ACTR1A: variants seen among roughly 807,000 people sequenced by gnomAD.
ACTR1A encodes actin related protein 1A.
In ACTR1A, 10 loss-of-function variants were observed where a neutral mutation model predicts 50.7. That is an observed-to-expected ratio of 0.20 (90% confidence interval 0.12 to 0.33). The LOEUF (loss-of-function observed/expected upper bound fraction) is 0.33, where lower values mean the gene tolerates loss of function less well. ACTR1A is among the 10% of genes least tolerant of loss of function. ACTR1A has a pLI of 1.00. For synonymous variants in ACTR1A, 177 were observed against 184.2 expected (o/e 0.96, Z 0.32); for missense variants, 253 against 491.7 (o/e 0.51, Z 4.59).
intron 1 of ACTR1A, among the ~76,000 whole-genome samples, chr10:102,496,229 C>T (rs1200303330): frequency 1.3e-5 from 2 of 152,172 alleles, no homozygotes; most frequent in Non-Finnish European, 2.9e-5. Context: ...AACACTAGGC[C>T]GGTATTCCTG....
Position 102,488,299 on chromosome 10 carries a change from C to G in ACTR1A, c.190-24G>C, listed in dbSNP as rs760911001. 9 of 1,607,668 alleles carry G rather than the reference C, an allele frequency of 5.6e-6. No homozygotes were observed. Among genetic ancestry groups the G allele is most frequent in the African/African-American group, 1.3e-5 (1 of 74,958 alleles). On this transcript the variant is annotated intron_variant, in intron 3 of 10. Transcript: ENST00000369905. This position sits in a 1 kb window ranked among gnomAD's most constrained non-coding sequence, Gnocchi z 4.4. ...TCCTGGGAAAAGAGAACAGGACTTA[C>G]GACTGCAGTCAGGCTCCACCCAGGA...
chr10:102,497,258 T>C (rs1006824823), intron 1 of ACTR1A, among the ~76,000 whole-genome samples: 2 of 152,098 alleles, frequency 1.3e-5, no homozygotes, highest in South Asian at 4.1e-4. Context: ...TTGATAACTG[T>C]TACAGCTAGG....
At chr10:102,497,508 G>A (rs2062227937) in intron 1 of ACTR1A, among the ~76,000 whole-genome samples, 3 of 152,160 alleles carry the variant, frequency 2.0e-5, no homozygotes, top group Admixed American at 2.0e-4. Flanking sequence ...GTTTGCTCGA[G>A]CTCAGGAGTT....
chr10:102,496,346 C>A (rs1482137912), intron 1 of ACTR1A, among the ~76,000 whole-genome samples: 1 of 152,218 alleles, frequency 6.6e-6, no homozygotes, highest in Non-Finnish European at 1.5e-5. Context: ...GCCTTTCAGG[C>A]TATTCTCTCT....
chr10:102,488,981 C>A lies in ACTR1A; in HGVS notation c.189+82G>T. ...TGCCCCTTTTACTTATGGGTATGTC[C>A]AAATGTTGGGACATGTTCCATGTGG... On this transcript the variant is annotated intron_variant, in intron 3 of 10. Coordinates refer to ENST00000369905, the MANE Select transcript of ACTR1A (RefSeq NM_005736.4). The surrounding 1 kb of genome is among the most constrained non-coding windows in gnomAD (Gnocchi z 4.4). 9.1e-7 allele frequency: 1 copy of A among 1,099,394 alleles called. No homozygotes were observed. The highest frequency in any genetic ancestry group is 1.2e-6 in the Non-Finnish European group (1 of 805,612). The allele number at this position is 1,099,394 out of a possible 1,614,324, so 68.1% of individuals were successfully genotyped here. A position where few individuals can be genotyped will look rare whatever the true frequency, so the allele number is the denominator to read the frequency against.
chr10:102,481,986 A>G lies in ACTR1A; in HGVS notation c.925+15T>C. 6.2e-7 allele frequency: 1 copy of G among 1,614,120 alleles called. No individual in the cohort carries two copies. The highest frequency in any genetic ancestry group is 8.5e-7 in the Non-Finnish European group (1 of 1,180,018). ...GAACACTTCCAGGGGAAGGGCTCCAAGAGAAGAGACAAACCTTTGAACAGG... is the reference window on the plus strand; with the variant it reads ...GAACACTTCCAGGGGAAGGGCTCCAGGAGAAGAGACAAACCTTTGAACAGG... On this transcript the variant is annotated intron_variant, in intron 8 of 10. Coordinates refer to ENST00000369905, the MANE Select transcript of ACTR1A (RefSeq NM_005736.4).
Position 102,482,641 on chromosome 10 carries a change from A to G in ACTR1A, c.750+370T>C. On this transcript the variant is annotated intron_variant, in intron 7 of 10. Transcript: ENST00000369905. This position sits in a 1 kb window ranked among gnomAD's most constrained non-coding sequence, Gnocchi z 5.6. ...TCCTCTGCAGGAGACAGGGCCACTC[A>G]TGCTCAGGAGCTCTGCTGCTCCAGA... The G allele has an allele frequency of 3.5e-6, 1 of 285,388 alleles. No individual in the cohort carries two copies. The highest frequency in any genetic ancestry group is 4.5e-5 in the South Asian group (1 of 22,130). The allele number at this position is 285,388 out of a possible 1,614,324, so 17.7% of individuals were successfully genotyped here.
intron 1 of ACTR1A, among the ~76,000 whole-genome samples, chr10:102,498,740 T>A (rs985701167): frequency 1.1e-4 from 17 of 152,050 alleles, no homozygotes; most frequent in African/African-American, 4.1e-4. Flanking sequence ...TCCAAAATGC[T>A]GGAATTACAG....
rs781552917 is a variant in ACTR1A at position 102,482,083 on chromosome 10, G to T, written c.843C>A (p.Phe281Leu). 8 of 1,614,028 alleles carry T rather than the reference G, an allele frequency of 5.0e-6. No individual in the cohort carries two copies. The highest frequency in any genetic ancestry group is 5.9e-6 in the Non-Finnish European group (7 of 1,180,040). The change falls in exon 8 of 11, where the codon TTC (phenylalanine) becomes TTA (leucine). Residue 281 changes from phenylalanine (F) to leucine (L), a missense_variant. Physicochemically the swap from Phe to Leu is conservative, Grantham distance 22. This residue lies in a region of ACTR1A where 116 missense variants were observed against 155.9 expected (regional missense o/e 0.74). Transcript: ENST00000369905. This position sits in a 1 kb window ranked among gnomAD's most constrained non-coding sequence, Gnocchi z 5.6. ...ESEGIHEVLV[F>L]AIQKSDMDLR... The stretch of plus-strand genomic sequence containing the variant: ...GGTCCATGTCTGACTTCTGAATGGC[G>T]AACACCAGGACCTCGTGGATGCCTT...
chr10:102,497,737 G>A (rs1263897472), intron 1 of ACTR1A, among the ~76,000 whole-genome samples: 3 of 152,020 alleles, frequency 2.0e-5, no homozygotes, highest in Middle Eastern at 6.3e-3. Flanking sequence ...ATCTTCCAGA[G>A]TATAAAAGGA....
In ACTR1A at chr10:102,484,486, C is replaced by T. The variant is rs563736977; in HGVS notation, c.441-110G>A. ...GCTAAACTAAAGCTTGGGCCTGCCTCTCTCCAGGGTCTGTAGAATGGACTG... is the reference window on the plus strand; with the variant it reads ...GCTAAACTAAAGCTTGGGCCTGCCTTTCTCCAGGGTCTGTAGAATGGACTG... On this transcript the variant is annotated intron_variant, in intron 5 of 10. Transcript: ENST00000369905. 24 of 940,610 alleles carry T rather than the reference C, an allele frequency of 2.6e-5. No individual in the cohort carries two copies. In the East Asian group the frequency reaches 5.0e-4, roughly 20 times the overall value. The allele number at this position is 940,610 out of a possible 1,614,324, so 58.3% of individuals were successfully genotyped here. A position where few individuals can be genotyped will look rare whatever the true frequency, so the allele number is the denominator to read the frequency against.
At position 102,490,966 on chromosome 10, in the gene ACTR1A, C is replaced by T. The variant is rs375201144; in HGVS notation, c.49-353G>A. Among the ~76,000 whole-genome samples, 7 of 151,852 alleles carry T rather than the reference C, an allele frequency of 4.6e-5. No individual in the cohort carries two copies. The East Asian group carries it at 1.3e-3, about 29-fold the overall frequency. On this transcript the variant is annotated intron_variant, in intron 1 of 10. Coordinates refer to ENST00000369905, the MANE Select transcript of ACTR1A (RefSeq NM_005736.4). Reference sequence around the variant, plus strand: ...CAAGATTGTGCCACTGCACTCCAGCCTGGGTGACAGACTCTGTCTCACAGG... The same window carrying T: ...CAAGATTGTGCCACTGCACTCCAGCTTGGGTGACAGACTCTGTCTCACAGG...
In ACTR1A at chr10:102,484,228, A is replaced by G; in HGVS notation, c.589T>C (p.Tyr197His). ...GRDVSRFLRL[Y>H]LRKEGYDFHS... Reference sequence around the variant, plus strand: ...AAGTCGTAGCCCTCCTTACGCAGGTAGAGGCGCAGGAAGCGAGAGACGTCC... The same window carrying G: ...AAGTCGTAGCCCTCCTTACGCAGGTGGAGGCGCAGGAAGCGAGAGACGTCC... Residue 197 changes from tyrosine to histidine, a missense_variant, in exon 6 of 11, where the codon TAC becomes CAC. Physicochemically the swap from Tyr to His is moderately conservative, Grantham distance 83. This residue lies in a region of ACTR1A where 116 missense variants were observed against 155.9 expected (regional missense o/e 0.74). Coordinates refer to ENST00000369905, the MANE Select transcript of ACTR1A (RefSeq NM_005736.4). 6.2e-7 allele frequency: 1 copy of G among 1,614,228 alleles called. No individual in the cohort carries two copies. The highest frequency in any genetic ancestry group is 8.5e-7 in the Non-Finnish European group (1 of 1,180,036).
Position 102,502,635 on chromosome 10 carries a change from C to T in ACTR1A, c.13G>A (p.Asp5Asn). ...ACGACAGGCTGGTTGGCGATCACAT[C>T]GTAGGACTCCATGGCAGAGGAATCT... Reference protein sequence around the residue: MESYDVIANQPVVID... With the variant: MESYNVIANQPVVID... Residue 5 changes from aspartate to asparagine, a missense_variant, in exon 1 of 11, where the codon GAT becomes AAT. Physicochemically the swap from Asp to Asn is conservative, Grantham distance 23. Transcript: ENST00000369905. 2 of 1,614,248 alleles carry T rather than the reference C, an allele frequency of 1.2e-6. No homozygotes were observed. Among genetic ancestry groups the T allele is most frequent in the Non-Finnish European group, 1.7e-6 (2 of 1,180,028 alleles).
chr10:102,482,239 A>G lies in ACTR1A; in HGVS notation c.751-64T>C. On this transcript the variant is annotated intron_variant, in intron 7 of 10. Transcript: ENST00000369905. The surrounding 1 kb of genome is among the most constrained non-coding windows in gnomAD (Gnocchi z 5.6). ...GACCAAGGTCCCTTTGGGAGTGGGAATGGAAGACGCCCCTCTGCACGTCAC... is the reference window on the plus strand; with the variant it reads ...GACCAAGGTCCCTTTGGGAGTGGGAGTGGAAGACGCCCCTCTGCACGTCAC... The G allele has an allele frequency of 6.6e-7, 1 of 1,521,496 alleles. No homozygotes were observed. Among genetic ancestry groups the G allele is most frequent in the Non-Finnish European group, 9.0e-7 (1 of 1,111,436 alleles). The allele number at this position is 1,521,496 out of a possible 1,614,324, so 94.2% of individuals were successfully genotyped here.
chr10:102,484,102 C>G, intron 6 of ACTR1A, 58 bp downstream of exon 6: 3 of 1,549,318 alleles, frequency 1.9e-6, no homozygotes, highest in South Asian at 2.3e-5. Flanking sequence ...TCACCAAGGT[C>G]CTGGGTGCTA....
At chr10:102,500,142 G>T (rs2062241285) in intron 1 of ACTR1A, among the ~76,000 whole-genome samples, 1 of 152,190 alleles carries the variant, frequency 6.6e-6, no homozygotes, top group Admixed American at 6.5e-5. Context: ...TCTCAAAAAT[G>T]AAGTATCTGG....
rs182197890 is a variant in ACTR1A, at chr10:102,484,147, G to C, written c.657+13C>G. 7 of 1,613,624 alleles carry C rather than the reference G, an allele frequency of 4.3e-6. No individual in the cohort carries two copies. The highest frequency in any genetic ancestry group is 5.9e-6 in the Non-Finnish European group (7 of 1,179,628). ...CCCCCACTCCATCCCTAGGCCCAGG[G>C]GGCAGCACTTACTTCTTTTATGGCC... On this transcript the variant is annotated intron_variant, in intron 6 of 10. Transcript: ENST00000369905.
chr10:102,487,599 C>T (rs928906473), intron 4 of ACTR1A, among the ~76,000 whole-genome samples: 1 of 150,628 alleles, frequency 6.6e-6, no homozygotes, highest in Non-Finnish European at 1.5e-5. Context: ...CCTTTGTTCA[C>T]TTGGTGACCT....
Sources: allele counts gnomAD v4.1 joint callset (sites outside exome capture counted in the v4.1 genomes callset), GRCh38; gene constraint gnomAD v4.1.1; regional missense constraint gnomAD v4.1.1; non-coding constraint Gnocchi (gnomAD v3.1); transcripts MANE v1.5; gene names NCBI Gene and HGNC (gene_info 2026-07-23, HGNC 2026-07-21).